Variants in CDH18 observed in about 807,000 individuals in gnomAD.
The protein encoded by CDH18 is cadherin-18.
Under a neutral mutation model 67.9 loss-of-function variants are expected in CDH18, and 31 were observed. The observed-to-expected ratio is 0.46, with a 90% CI of 0.34 to 0.62. The LOEUF (loss-of-function observed/expected upper bound fraction) is 0.62. CDH18 is among the 20% of genes least tolerant of loss of function. CDH18 has a pLI of 0.01. For synonymous variants in CDH18, 362 were observed against 347.2 expected, an observed-to-expected ratio of 1.04 and a Z score of -0.48; for missense variants, 890 against 975.5, an observed-to-expected ratio of 0.91 and a Z score of 1.17.
At chr5:20,404,881 G>T (rs1746092363) in intron 1 of CDH18, among the ~76,000 whole-genome samples, 1 of 152,058 alleles carries the variant, frequency 6.6e-6, no homozygotes, top group African/African-American at 2.4e-5. Context: ...AAATAGTACA[G>T]GTATGACTGC....
At chr5:19,734,729 G>T (rs1449132042) in intron 4 of CDH18, among the ~76,000 whole-genome samples, 3 of 152,062 alleles carry the variant, frequency 2.0e-5, no homozygotes, top group African/African-American at 7.2e-5. Context: ...CATTAATCCA[G>T]TTTCAATGTC....
chr5:20,334,194 G>T lies in CDH18; in HGVS notation c.-579-78689C>A, dbSNP rs1323330384. 2.2e-5 allele frequency among the ~76,000 whole-genome samples: 3 copies of T among 137,148 alleles called. No individual in the cohort carries two copies. The Admixed American group carries it at 2.3e-4, about 11-fold the overall frequency. 90.0% of individuals were successfully genotyped at this position (137,148 alleles called of 152,430 possible). On this transcript the variant is annotated intron_variant, in intron 1 of 14. Coordinates refer to the CDH18 transcript ENST00000507958. The stretch of plus-strand genomic sequence containing the variant: ...GTCGCCCAGGCTGGAGTGCAGTGGC[G>T]CAATCTCGGCTCACTGCAGGCTCCG...
chr5:19,634,444 GT>G (rs1752825140), intron 5 of CDH18, among the ~76,000 whole-genome samples: 1 of 152,066 alleles, frequency 6.6e-6, no homozygotes, highest in African/African-American at 2.4e-5. Context: ...AAAAATGTGG[GT>G]CATGAGTTCT....
intron 2 of CDH18, among the ~76,000 whole-genome samples, chr5:19,893,099 T>C (rs1293792955): frequency 6.6e-6 from 1 of 152,106 alleles, no homozygotes; most frequent in East Asian, 1.9e-4. Flanking sequence ...AGTGCTTTTA[T>C]ACAAGAGGCC....
intron 2 of CDH18, among the ~76,000 whole-genome samples, chr5:19,883,093 G>A (rs780962419): frequency 2.4e-4 from 37 of 152,120 alleles, no homozygotes; most frequent in Non-Finnish European, 4.1e-4. Context: ...TGCCTCCCAC[G>A]TGCTTCAGAC....
chr5:19,609,553 A>G (rs1394537811), intron 6 of CDH18, among the ~76,000 whole-genome samples: 1 of 152,028 alleles, frequency 6.6e-6, no homozygotes. Context: ...CCTCTCTAAC[A>G]CTTACTCAAA....
At position 19,767,786 on chromosome 5, in the gene CDH18, T is replaced by A. The variant is rs545643113; in HGVS notation, c.229-20550A>T. ...ATTTCTTCCATTAAAGCAATGAAAA[T>A]ACTGCCAAAAATTGTAATAAGTAAC... On this transcript the variant is annotated intron_variant, in intron 3 of 12. Transcript: ENST00000382275. 3.2e-4 allele frequency among the ~76,000 whole-genome samples: 48 copies of A among 152,140 alleles called. 1 individual carries two copies. Among genetic ancestry groups the A allele is most frequent in the African/African-American group, 1.2e-3 (48 of 41,524 alleles).
chr5:19,547,506 G>GGTTTT (rs1220278099), intron 8 of CDH18, among the ~76,000 whole-genome samples: 5 of 152,116 alleles, frequency 3.3e-5, no homozygotes, highest in Admixed American at 6.5e-5. Flanking sequence ...GAAGAAAATA[G>GGTTTT]GTTTTGTTTT....
At chr5:19,551,762 G>A (rs1737492999) in intron 8 of CDH18, among the ~76,000 whole-genome samples, 1 of 152,094 alleles carries the variant, frequency 6.6e-6, no homozygotes, top group African/African-American at 2.4e-5. Context: ...AACAGAGTGG[G>A]TTATGAATAG....
At chr5:20,247,844 T>C (rs1355749693) in intron 2 of CDH18, among the ~76,000 whole-genome samples, 1 of 151,772 alleles carries the variant, frequency 6.6e-6, no homozygotes, top group Non-Finnish European at 1.5e-5. Context: ...GATTTGTCAA[T>C]AATAGATAGT....
At chr5:20,244,336 A>T (rs1035636757) in intron 2 of CDH18, among the ~76,000 whole-genome samples, 15 of 152,130 alleles carry the variant, frequency 9.9e-5, no homozygotes, top group African/African-American at 3.6e-4. Flanking sequence ...ACTATTTCTG[A>T]CATCATAATG....
At chr5:20,106,398 A>G (rs1746940635) in intron 2 of CDH18, among the ~76,000 whole-genome samples, 1 of 152,202 alleles carries the variant, frequency 6.6e-6, no homozygotes, top group Non-Finnish European at 1.5e-5. Flanking sequence ...TTTCAGTTAA[A>G]TAATCTCACA....
chr5:19,903,999 C>A (rs980569406), intron 2 of CDH18, among the ~76,000 whole-genome samples: 1 of 151,922 alleles, frequency 6.6e-6, no homozygotes, highest in South Asian at 2.1e-4. Flanking sequence ...TCAGGCCAGG[C>A]GCAGTGGCTC....
intron 7 of CDH18, among the ~76,000 whole-genome samples, chr5:19,576,609 G>T (rs910672640): frequency 3.9e-5 from 6 of 152,170 alleles, no homozygotes; most frequent in African/African-American, 1.4e-4. Flanking sequence ...TATTGGCAAG[G>T]ATGTGGAGAA....
chr5:19,921,862 C>T (rs1282984626), intron 2 of CDH18, among the ~76,000 whole-genome samples: 1 of 151,368 alleles, frequency 6.6e-6, no homozygotes, highest in Admixed American at 6.6e-5. Context: ...ATTTCTAATA[C>T]AATAAATATC....
chr5:19,578,171 G>A (rs115518143), intron 7 of CDH18, among the ~76,000 whole-genome samples: 224 of 152,320 alleles, frequency 1.5e-3, no homozygotes, highest in African/African-American at 5.1e-3. Flanking sequence ...ATGGTCATTT[G>A]TAAGAGCATT....
At chr5:20,564,334 T>C (rs1483239271) in intron 1 of CDH18, among the ~76,000 whole-genome samples, 1 of 151,286 alleles carries the variant, frequency 6.6e-6, no homozygotes, top group African/African-American at 2.4e-5. Flanking sequence ...CTGGAGTACA[T>C]TGGTGCAATC....
intron 2 of CDH18, among the ~76,000 whole-genome samples, chr5:19,889,389 T>C (rs1023375233): frequency 2.6e-5 from 4 of 152,268 alleles, no homozygotes; most frequent in East Asian, 1.9e-4. Flanking sequence ...AGTTTCAAAC[T>C]TAAATGACCA....
chr5:20,217,336 T>C (rs980773764), intron 2 of CDH18, among the ~76,000 whole-genome samples: 1 of 151,734 alleles, frequency 6.6e-6, no homozygotes, highest in African/African-American at 2.4e-5. Flanking sequence ...ACATAAACAA[T>C]ACAATGAGAT....
Sources: gnomAD v4.1 joint callset for allele counts (sites outside exome capture counted in the v4.1 genomes callset) on GRCh38, gnomAD v4.1.1 for gene constraint, MANE v1.5 for transcripts, NCBI Gene and HGNC (gene_info 2026-07-23, HGNC 2026-07-21) for gene names.